The following CHAMP1 variants were observed in gnomAD, a reference collection of about 807,000 sequenced individuals.
CHAMP1 encodes chromosome alignment-maintaining phosphoprotein 1.
Under a neutral mutation model 54.5 loss-of-function variants are expected in CHAMP1, and 4 were observed. That is an observed-to-expected ratio of 0.07 (90% confidence interval 0.04 to 0.17). CHAMP1 has a LOEUF of 0.17. CHAMP1 is among the 10% of genes least tolerant of loss of function. The probability of loss-of-function intolerance (pLI) is 1.00; values close to 1 mark genes in which losing one functional copy is unlikely to be tolerated. For synonymous variants in CHAMP1, 368 were observed against 342.2 expected (o/e 1.08, Z -0.83); for missense variants, 994 against 968.6 (o/e 1.03, Z -0.35).
rs3813131 is a variant in CHAMP1 at position 114,324,544 on chromosome 13, G to A, written c.702G>A (p.Pro234=). The change falls in exon 3 of 3, where the codon CCG becomes CCA. Residue 234 remains proline, a synonymous_variant. Coordinates refer to ENST00000361283, the MANE Select transcript of CHAMP1 (RefSeq NM_032436.4). The part of the protein sequence containing the change: ...NPKPQKQSHF[P]ETLGPPSASS... ...AACCCCAGAAGCAGTCTCATTTCCC[G>A]GAAACATTGGGGCCACCTTCAGCCT... 0.099 allele frequency: 159,800 copies of A among 1,613,838 alleles called. 10,694 individuals carry two copies. The highest frequency in any genetic ancestry group is 0.3 in the African/African-American group (22,588 of 74,874).
At chr13:114,323,707 T>G in intron 2 of CHAMP1, 81 bp from the exon 3 acceptor site, 1 of 1,142,002 alleles carries the variant, frequency 8.8e-7, no homozygotes, top group South Asian at 1.6e-5. Flanking sequence ...AGACTTAAAA[T>G]TATGCAGTTA....
chr13:114,326,777 T>C lies in CHAMP1; in HGVS notation c.*496T>C, dbSNP rs1451950116. ...AATTAGTTTATAAATCTTAATCAGC[T>C]TCTAGATGTTTATTAGCTTTTATGT... On this transcript the variant is annotated 3_prime_UTR_variant, in exon 3 of 3. Transcript: ENST00000361283. 1.8e-5 allele frequency: 3 copies of C among 167,150 alleles called. No individual in the cohort carries two copies. Among genetic ancestry groups the C allele is most frequent in the African/African-American group, 7.2e-5 (3 of 41,466 alleles). The allele number at this position is 167,150 out of a possible 1,614,324, so 10.4% of individuals were successfully genotyped here.
At chr13:114,321,954 T>C (rs1288295582) in intron 2 of CHAMP1, 7 of 151,924 alleles carry the variant, frequency 4.6e-5, no homozygotes, top group African/African-American at 1.7e-4. Context: ...AGGCAAATGA[T>C]ATACCTTGGA....
chr13:114,324,946 A>G lies in CHAMP1; in HGVS notation c.1104A>G (p.Ala368=). Residue 368 remains alanine, a synonymous_variant, in exon 3 of 3, where the codon GCA becomes GCG. Transcript: ENST00000361283. ...AACCAACTCCATCTGTGTCTTCTGC[A>G]TCCTGGAAATCTTCATCAGTCTCAC... The part of the protein sequence containing the change: ...PWKPTPSVSS[A]SWKSSSVSPS... 1.9e-6 allele frequency: 3 copies of G among 1,614,016 alleles called. No homozygotes were observed. The highest frequency in any genetic ancestry group is 2.5e-6 in the Non-Finnish European group (3 of 1,180,006).
chr13:114,315,338 A>G (rs577179184), intron 1 of CHAMP1, among the ~76,000 whole-genome samples: 2 of 152,316 alleles, frequency 1.3e-5, no homozygotes, highest in South Asian at 2.1e-4. Flanking sequence ...AGGGTGGTGC[A>G]GCAGCTATGG....
Position 114,323,932 on chromosome 13 carries a change from A to G in CHAMP1, c.90A>G (p.Gln30=). ...SFRGTDYENV[Q]IHMGTIHPEF... ...GAGGCACAGACTATGAAAATGTACA[A>G]ATCCATATGGGTACCATCCATCCAG... The change falls in exon 3 of 3, where the codon CAA becomes CAG. Residue 30 remains glutamine (Q), a synonymous_variant. Coordinates refer to ENST00000361283, the MANE Select transcript of CHAMP1 (RefSeq NM_032436.4). The G allele has an allele frequency of 6.2e-7, 1 of 1,614,208 alleles. No individual in the cohort carries two copies.
rs138201298 is a variant in CHAMP1 at position 114,324,990 on chromosome 13, C to T, written c.1148C>T (p.Pro383Leu). Residue 383 changes from proline (P) to leucine (L), a missense_variant, in exon 3 of 3, where the codon CCC (proline) becomes CTC (leucine). Pro to Leu is a moderately conservative substitution (Grantham distance 98). This residue lies in a region of CHAMP1 where 851 missense variants were observed against 701.3 expected (regional missense o/e 1.21). Coordinates refer to ENST00000361283, the MANE Select transcript of CHAMP1 (RefSeq NM_032436.4). ...SSVSPSSWKS[P>L]PASPESWKSG... ...GTCTCACCCAGCTCCTGGAAGTCTC[C>T]CCCTGCATCTCCTGAGTCATGGAAG... 2.5e-6 allele frequency: 4 copies of T among 1,614,000 alleles called. No individual in the cohort carries two copies. Among genetic ancestry groups the T allele is most frequent in the African/African-American group, 2.7e-5 (2 of 74,896 alleles).
At chr13:114,317,003 T>C (rs974968242) in intron 1 of CHAMP1, among the ~76,000 whole-genome samples, 1 of 151,998 alleles carries the variant, frequency 6.6e-6, no homozygotes, top group Non-Finnish European at 1.5e-5. Flanking sequence ...GGAAAATTAG[T>C]TTATTAATTT....
At chr13:114,315,615 G>A (rs1291050723) in intron 1 of CHAMP1, among the ~76,000 whole-genome samples, 1 of 152,090 alleles carries the variant, frequency 6.6e-6, no homozygotes, top group Non-Finnish European at 1.5e-5. Context: ...TATGTTGAGT[G>A]AAATAAGACA....
chr13:114,326,230 T>C lies in CHAMP1; in HGVS notation c.2388T>C (p.Asn796=), dbSNP rs1555380004. Residue 796 remains asparagine (N), a synonymous_variant, in exon 3 of 3, where the codon AAT becomes AAC. Transcript: ENST00000361283. ...AAAGCCGGCATAATGAAGAGGCAAA[T>C]AAAAAGCTAATGGAAGCTCTTGAAC... ...HCQSRHNEEA[N]KKLMEALEPP... 1 of 1,588,152 alleles carries C rather than the reference T, an allele frequency of 6.3e-7. No homozygotes were observed. The highest frequency in any genetic ancestry group is 2.2e-5 in the East Asian group (1 of 44,656).
At chr13:114,322,674 C>T (rs1555379228) in intron 2 of CHAMP1, 1 of 152,196 alleles carries the variant, frequency 6.6e-6, no homozygotes, top group Non-Finnish European at 1.5e-5. Flanking sequence ...AATACCCTCA[C>T]ATGCACAGAT....
intron 1 of CHAMP1, among the ~76,000 whole-genome samples, chr13:114,320,818 T>C (rs1555378999): frequency 6.6e-6 from 1 of 151,806 alleles, no homozygotes; most frequent in African/African-American, 2.4e-5. Context: ...TAGCCGGGCG[T>C]GGTGGCGGGC....
At chr13:114,316,096 A>G (rs1385519564) in intron 1 of CHAMP1, among the ~76,000 whole-genome samples, 1 of 151,826 alleles carries the variant, frequency 6.6e-6, no homozygotes, top group African/African-American at 2.4e-5. Context: ...TCGGCCTTCC[A>G]AAGTGCTGAA....
chr13:114,326,314 G>C lies in CHAMP1; in HGVS notation c.*33G>C, dbSNP rs782108456. 6.5e-7 allele frequency: 1 copy of C among 1,531,142 alleles called. No individual in the cohort carries two copies. Among genetic ancestry groups the C allele is most frequent in the Admixed American group, 2.2e-5 (1 of 45,204 alleles). 94.8% of individuals were successfully genotyped at this position (1,531,142 alleles called of 1,614,324 possible). On this transcript the variant is annotated 3_prime_UTR_variant, in exon 3 of 3. Transcript: ENST00000361283. Reference sequence around the variant, plus strand: ...GTGTGAATATTTGTTCTACAAAGGTGTTTGTTGGAACCATTCTTTGTAAGT... The same window carrying C: ...GTGTGAATATTTGTTCTACAAAGGTCTTTGTTGGAACCATTCTTTGTAAGT...
At chr13:114,315,083 C>G (rs968544994) in intron 1 of CHAMP1, among the ~76,000 whole-genome samples, 1 of 152,112 alleles carries the variant, frequency 6.6e-6, no homozygotes, top group Non-Finnish European at 1.5e-5. Context: ...AACTGACCAA[C>G]AAAAAGCAAC....
At chr13:114,315,980 G>A (rs1260094123) in intron 1 of CHAMP1, among the ~76,000 whole-genome samples, 1 of 151,800 alleles carries the variant, frequency 6.6e-6, no homozygotes, top group Non-Finnish European at 1.5e-5. Flanking sequence ...GGCATTACAG[G>A]CGCTTGCCAC....
In CHAMP1 at chr13:114,324,250, A is replaced by G; in HGVS notation, c.408A>G (p.Lys136=). Residue 136 remains lysine, a synonymous_variant, in exon 3 of 3, where the codon AAA becomes AAG. Coordinates refer to ENST00000361283, the MANE Select transcript of CHAMP1 (RefSeq NM_032436.4). ...CTGCCCTTTCAATGGAAACACAGAA[A>G]CTTGGTTCAGTTTTGTCTCCAGAAT... The part of the protein sequence containing the change: ...SIPALSMETQ[K]LGSVLSPESP... 6.2e-7 allele frequency: 1 copy of G among 1,614,066 alleles called. No homozygotes were observed. The highest frequency in any genetic ancestry group is 8.5e-7 in the Non-Finnish European group (1 of 1,180,018).
At chr13:114,322,154 C>T (rs1448005028) in intron 2 of CHAMP1, 1 of 151,596 alleles carries the variant, frequency 6.6e-6, no homozygotes, top group African/African-American at 2.4e-5. Context: ...ATTGGCCTGC[C>T]TCAGCCTCCC....
At chr13:114,317,694 G>A (rs540048863) in intron 1 of CHAMP1, among the ~76,000 whole-genome samples, 1 of 152,204 alleles carries the variant, frequency 6.6e-6, no homozygotes, top group South Asian at 2.1e-4. Context: ...AACCCATTTA[G>A]CTTTGAACAT....
Sources: allele counts gnomAD v4.1 joint callset (sites outside exome capture counted in the v4.1 genomes callset), GRCh38; gene constraint gnomAD v4.1.1; regional missense constraint gnomAD v4.1.1; transcripts MANE v1.5; gene names NCBI Gene and HGNC (gene_info 2026-07-23, HGNC 2026-07-21).